GSTM1: variants seen among roughly 807,000 people sequenced by gnomAD.
The protein encoded by GSTM1 is glutathione S-transferase mu 1.
Under a neutral mutation model 17.3 loss-of-function variants are expected in GSTM1, and 6 were observed. That is an observed-to-expected ratio of 0.35 (90% CI 0.19 to 0.68). The LOEUF (loss-of-function observed/expected upper bound fraction) is 0.68, where lower values mean the gene tolerates loss of function less well. Ranked by LOEUF, GSTM1 falls within the 30% of genes least tolerant of loss-of-function variation. GSTM1 has a pLI of 0.65. For synonymous variants in GSTM1, 20 were observed against 53.6 expected (o/e 0.37, Z 2.74); for missense variants, 62 against 155.9 (o/e 0.40, Z 3.21).
Position 109,693,345 on chromosome 1 carries a change from G to A in GSTM1, c.*50G>A. 1 of 657,520 alleles carries A rather than the reference G, an allele frequency of 1.5e-6. No homozygotes were observed. 40.7% of individuals were successfully genotyped at this position (657,520 alleles called of 1,614,324 possible). ...GTGAGGAGCCCATACTCAGCCTGCT[G>A]CCCAGGCTGTGCAGCGCAGCTGGAC... On this transcript the variant is annotated 3_prime_UTR_variant, in exon 8 of 8. Transcript: ENST00000309851.
rs1437568771 is a variant in GSTM1 at position 109,688,299 on chromosome 1, G to C, written c.112+54G>C. On this transcript the variant is annotated intron_variant, in intron 2 of 7. Transcript: ENST00000309851. ...CCCACTCACGCTAAGTTGGCACCAA[G>C]CAACCCATGGTGGCCACCTGTGGCT... The C allele has an allele frequency of 6.3e-6, 5 of 790,886 alleles. 2 individuals carry two copies. The African/African-American group carries it at 9.3e-5, about 15-fold the overall frequency. The allele number at this position is 790,886 out of a possible 1,614,324, so 49.0% of individuals were successfully genotyped here. A position where few individuals can be genotyped will look rare whatever the true frequency, so the allele number is the denominator to read the frequency against.
intron 2 of GSTM1, 169 bp from the exon 3 acceptor site, chr1:109,688,502 CAG>C (rs1406383891): frequency 2.7e-6 from 1 of 377,218 alleles, no homozygotes; most frequent in East Asian, 6.0e-5. Context: ...GTGTGGGGTC[CAG>C]AGCCCTCAGC....
At position 109,689,347 on chromosome 1, in the gene GSTM1, C is replaced by G; in HGVS notation, c.360+22C>G. On this transcript the variant is annotated intron_variant, in intron 5 of 7. Coordinates refer to ENST00000309851, the MANE Select transcript of GSTM1 (RefSeq NM_000561.4). ...ATTTGTGAGTGTCCCCAGTGAGCTG[C>G]ATCTGACAGAGTTTGGATTTGGGGC... 2.4e-5 allele frequency: 16 copies of G among 660,508 alleles called. 7 individuals are homozygous for G. Among genetic ancestry groups the G allele is most frequent in the Non-Finnish European group, 3.7e-5 (16 of 437,628 alleles). 40.9% of individuals were successfully genotyped at this position (660,508 alleles called of 1,614,324 possible). A position where few individuals can be genotyped will look rare whatever the true frequency, so the allele number is the denominator to read the frequency against.
At chr1:109,692,058 C>CT (rs397894870) in intron 7 of GSTM1, among the ~76,000 whole-genome samples, 549 of 34,892 alleles carry the variant, frequency 0.016, 97 homozygotes, top group African/African-American at 0.041. Flanking sequence ...AGTCCTGGAT[C>CT]TTTTTTTTTT....
chr1:109,688,046 T>C lies in GSTM1; in HGVS notation c.37-124T>C, dbSNP rs1303695037. The stretch of plus-strand genomic sequence containing the variant: ...GGGCCTGTGCATGCCGCTGTGTGTG[T>C]GTTGGGGGTGTGGGCGGGTAGAGGA... On this transcript the variant is annotated intron_variant, in intron 1 of 7. Transcript: ENST00000309851. The C allele has an allele frequency of 2.7e-6, 2 of 754,044 alleles. 1 individual carries two copies. Among genetic ancestry groups the C allele is most frequent in the African/African-American group, 3.8e-5 (2 of 52,350 alleles). 46.7% of individuals were successfully genotyped at this position (754,044 alleles called of 1,614,324 possible). A position where few individuals can be genotyped will look rare whatever the true frequency, so the allele number is the denominator to read the frequency against.
chr1:109,688,936 C>T, intron 3 of GSTM1, 112 bp from the exon 4 acceptor site: 1 of 525,972 alleles, frequency 1.9e-6, no homozygotes, highest in Non-Finnish European at 3.2e-6. Flanking sequence ...TTCAGTCCTG[C>T]CATGAGCAGG....
chr1:109,688,148 A>G lies in GSTM1; in HGVS notation c.37-22A>G, dbSNP rs767745989. On this transcript the variant is annotated intron_variant, in intron 1 of 7. Transcript: ENST00000309851. Reference sequence around the variant, plus strand: ...TCAGGGACCCTCCATCTCTGACGCGACCTGCGGGCCATCTCTCCCAGCTGG... The same window carrying G: ...TCAGGGACCCTCCATCTCTGACGCGGCCTGCGGGCCATCTCTCCCAGCTGG... 5 of 797,136 alleles carry G rather than the reference A, an allele frequency of 6.3e-6. 1 individual carries two copies. In the African/African-American group the frequency reaches 9.4e-5, roughly 15 times the overall value. The allele number at this position is 797,136 out of a possible 1,614,324, so 49.4% of individuals were successfully genotyped here. A position where few individuals can be genotyped will look rare whatever the true frequency, so the allele number is the denominator to read the frequency against.
chr1:109,689,183 G>T (rs1648037852), intron 4 of GSTM1, 42 bp from the exon 5 acceptor site: 1 of 793,158 alleles, frequency 1.3e-6, no homozygotes. Flanking sequence ...TCCTTGGCTG[G>T]GCTGTGATGC....
rs1197889821 is a variant in GSTM1, at chr1:109,692,214, C to T, written c.568-992C>T. Reference sequence around the variant, plus strand: ...CTGGGATTACAAGTGTCTATCACCACGCCCAGCTAATTTTTCTATTTTTAG... The same window carrying T: ...CTGGGATTACAAGTGTCTATCACCATGCCCAGCTAATTTTTCTATTTTTAG... On this transcript the variant is annotated intron_variant, in intron 7 of 7. Coordinates refer to ENST00000309851, the MANE Select transcript of GSTM1 (RefSeq NM_000561.4). Among the ~76,000 whole-genome samples the T allele has an allele frequency of 2.5e-5, 2 of 78,618 alleles. 1 individual carries two copies. The highest frequency in any genetic ancestry group is 9.6e-4 in the East Asian group (2 of 2,090). The allele number at this position is 78,618 out of a possible 152,430, so 51.6% of individuals were successfully genotyped here.
chr1:109,691,373 C>G lies in GSTM1; in HGVS notation c.567+809C>G, dbSNP rs767518057. On this transcript the variant is annotated intron_variant, in intron 7 of 7. Coordinates refer to ENST00000309851, the MANE Select transcript of GSTM1 (RefSeq NM_000561.4). ...TCAGCTGCACGATTAGTTGGGATTA[C>G]AGGTGTGCACCACCACGTCTGGCTA... is the stretch of plus-strand genomic sequence containing the variant. Among the ~76,000 whole-genome samples the G allele has an allele frequency of 2.6e-5, 2 of 76,028 alleles. 1 individual carries two copies. The highest frequency in any genetic ancestry group is 6.6e-5 in the Non-Finnish European group (2 of 30,308). The allele number at this position is 76,028 out of a possible 152,430, so 49.9% of individuals were successfully genotyped here. A position where few individuals can be genotyped will look rare whatever the true frequency, so the allele number is the denominator to read the frequency against.
chr1:109,691,994 G>T lies in GSTM1; in HGVS notation c.568-1212G>T, dbSNP rs1359683740. Among the ~76,000 whole-genome samples the T allele has an allele frequency of 2.6e-5, 2 of 77,934 alleles. 1 individual carries two copies. The highest frequency in any genetic ancestry group is 7.3e-5 in the African/African-American group (2 of 27,372). The allele number at this position is 77,934 out of a possible 152,430, so 51.1% of individuals were successfully genotyped here. The stretch of plus-strand genomic sequence containing the variant: ...GTGGTGGGAAGGGAGGGGTGGAGGA[G>T]AGCTGAGGTCTATGGCCTATGACAT... On this transcript the variant is annotated intron_variant, in intron 7 of 7. Coordinates refer to ENST00000309851, the MANE Select transcript of GSTM1 (RefSeq NM_000561.4).
rs368395434 is a variant in GSTM1 at position 109,690,287 on chromosome 1, A to C, written c.377A>C (p.Lys126Thr). Residue 126 changes from lysine (K) to threonine (T), a missense_variant, in exon 6 of 8, where the codon AAG becomes ACG. Transcript: ENST00000309851. ...CTGCCTCAGGAGAAACTGAAGCCAA[A>C]GTACTTGGAGGAACTCCCTGAAAAG... Reference protein sequence around the residue: ...YNPEFEKLKPKYLEELPEKLK... With the variant: ...YNPEFEKLKPTYLEELPEKLK... The C allele has an allele frequency of 2.9e-5, 23 of 796,484 alleles. 9 individuals carry two copies. The highest frequency in any genetic ancestry group is 4.2e-5 in the Non-Finnish European group (23 of 551,778). The allele number at this position is 796,484 out of a possible 1,614,324, so 49.3% of individuals were successfully genotyped here. A position where few individuals can be genotyped will look rare whatever the true frequency, so the allele number is the denominator to read the frequency against.
Position 109,687,820 on chromosome 1 carries a change from C to G in GSTM1, c.-54C>G. On this transcript the variant is annotated 5_prime_UTR_variant, in exon 1 of 8. Coordinates refer to ENST00000309851, the MANE Select transcript of GSTM1 (RefSeq NM_000561.4). ...CTGTCCCCTCTCCGGAGCTCTTATA[C>G]TCTGAGCCCTGCTCGGTTTAGGCCT... 3.0e-6 allele frequency: 2 copies of G among 672,328 alleles called. 1 individual carries two copies. Among genetic ancestry groups the G allele is most frequent in the Non-Finnish European group, 4.6e-6 (2 of 438,740 alleles). The allele number at this position is 672,328 out of a possible 1,614,324, so 41.6% of individuals were successfully genotyped here. A position where few individuals can be genotyped will look rare whatever the true frequency, so the allele number is the denominator to read the frequency against.
At chr1:109,689,464 A>C in intron 5 of GSTM1, 139 bp downstream of exon 5, 1 of 334,848 alleles carries the variant, frequency 3.0e-6, no homozygotes, top group Admixed American at 4.4e-5. Context: ...AGTTATTCTC[A>C]CGACTCCAAT....
Position 109,688,514 on chromosome 1 carries a change from C to A in GSTM1, c.113-159C>A. 1.0e-5 allele frequency: 4 copies of A among 381,384 alleles called. 1 individual carries two copies. Among genetic ancestry groups the A allele is most frequent in the Non-Finnish European group, 9.9e-6 (2 of 201,538 alleles). 23.6% of individuals were successfully genotyped at this position (381,384 alleles called of 1,614,324 possible). A position where few individuals can be genotyped will look rare whatever the true frequency, so the allele number is the denominator to read the frequency against. Reference sequence around the variant, plus strand: ...GCTGTGTGGGGTCCAGAGCCCTCAGCGGGATTCTTTGTCCCTGAACCCTGG... The same window carrying A: ...GCTGTGTGGGGTCCAGAGCCCTCAGAGGGATTCTTTGTCCCTGAACCCTGG... On this transcript the variant is annotated intron_variant, in intron 2 of 7. Coordinates refer to ENST00000309851, the MANE Select transcript of GSTM1 (RefSeq NM_000561.4).
At chr1:109,690,183 C>A in intron 5 of GSTM1, 88 bp from the exon 6 acceptor site, 1 of 473,956 alleles carries the variant, frequency 2.1e-6, no homozygotes. Flanking sequence ...TTGCCCATGG[C>A]CAGCCTGGGC....
At chr1:109,689,162 A>C (rs370505692) in intron 4 of GSTM1, 33 bp downstream of exon 4, 1 of 793,862 alleles carries the variant, frequency 1.3e-6, no homozygotes, top group Non-Finnish European at 1.8e-6. Flanking sequence ...TGTGGGGGGA[A>C]GGTGGCCTCC....
At chr1:109,688,388 C>A in intron 2 of GSTM1, 143 bp downstream of exon 2, 2 of 489,652 alleles carry the variant, frequency 4.1e-6, no homozygotes, top group Non-Finnish European at 3.5e-6. Flanking sequence ...GGTGAGGGAG[C>A]CCTCTGGCCT....
chr1:109,693,301 T>C lies in GSTM1; in HGVS notation c.*6T>C. The C allele has an allele frequency of 3.8e-6, 3 of 792,042 alleles. 1 individual carries two copies. Among genetic ancestry groups the C allele is most frequent in the Non-Finnish European group, 5.5e-6 (3 of 549,884 alleles). The allele number at this position is 792,042 out of a possible 1,614,324, so 49.1% of individuals were successfully genotyped here. ...CTGTCTGGGGCAACAAGTAGGGCCTTGAAGGCCAGGAGGTGGGAGTGAGGA... is the reference window on the plus strand; with the variant it reads ...CTGTCTGGGGCAACAAGTAGGGCCTCGAAGGCCAGGAGGTGGGAGTGAGGA... On this transcript the variant is annotated 3_prime_UTR_variant, in exon 8 of 8. Transcript: ENST00000309851.
Sources: gnomAD v4.1 joint callset for allele counts (sites outside exome capture counted in the v4.1 genomes callset) on GRCh38, gnomAD v4.1.1 for gene constraint, MANE v1.5 for transcripts, NCBI Gene and HGNC (gene_info 2026-07-23, HGNC 2026-07-21) for gene names.